The following ITGA8 variants were observed in gnomAD, a reference collection of about 807,000 sequenced individuals.
ITGA8 encodes the protein integrin subunit alpha 8.
In ITGA8, 91 loss-of-function variants were observed where a neutral mutation model predicts 142.3. That is an observed-to-expected ratio of 0.64 (90% confidence interval 0.54 to 0.76). The LOEUF is 0.76. Among genes scored for constraint, ITGA8 ranks in the 30% least tolerant of loss-of-function variants. The pLI is 0.00. For missense variants in ITGA8, 1,406 were observed against 1,327.7 expected, an observed-to-expected ratio of 1.06 and a Z score of -0.92; for synonymous variants, 505 against 485.2, an observed-to-expected ratio of 1.04 and a Z score of -0.54.
At chr10:15,700,552 C>A (rs1480739669) in intron 2 of ITGA8, among the ~76,000 whole-genome samples, 1 of 152,120 alleles carries the variant, frequency 6.6e-6, no homozygotes, top group Non-Finnish European at 1.5e-5. Context: ...GCAGCCAAAC[C>A]AAAGATAGAT....
chr10:15,618,872 T>C (rs994584707), intron 13 of ITGA8, among the ~76,000 whole-genome samples: 4 of 152,160 alleles, frequency 2.6e-5, no homozygotes, highest in African/African-American at 9.7e-5. Context: ...AAATTCCCCT[T>C]TATATGTTCA....
intron 27 of ITGA8, among the ~76,000 whole-genome samples, chr10:15,531,870 G>A (rs7087904): frequency 6.6e-6 from 1 of 152,118 alleles, no homozygotes; most frequent in South Asian, 2.1e-4. Context: ...GCTTGAACCT[G>A]GGGGGCGCAG....
intron 14 of ITGA8, 78 bp from the exon 15 acceptor site, chr10:15,613,845 C>A (rs1833346296): frequency 3.2e-6 from 3 of 945,886 alleles, no homozygotes; most frequent in Admixed American, 1.8e-5. Flanking sequence ...TCACTGCATA[C>A]TGAACTCAGT....
intron 28 of ITGA8, among the ~76,000 whole-genome samples, chr10:15,528,074 C>G (rs1157768231): frequency 6.6e-6 from 1 of 151,910 alleles, no homozygotes; most frequent in Non-Finnish European, 1.5e-5. Context: ...CATCACCACG[C>G]CTTGCTAATT....
Position 15,558,156 on chromosome 10 carries a change from C to G in ITGA8, c.2684G>C (p.Arg895Pro), listed in dbSNP as rs368464139. 2 of 1,614,052 alleles carry G rather than the reference C, an allele frequency of 1.2e-6. No individual in the cohort carries two copies. The highest frequency in any genetic ancestry group is 1.7e-6 in the Non-Finnish European group (2 of 1,180,040). Residue 895 changes from arginine (R) to proline (P), a missense_variant, in exon 26 of 30, where the codon CGA becomes CCA. Arg to Pro is a moderately radical substitution (Grantham distance 103). Coordinates refer to ENST00000378076, the MANE Select transcript of ITGA8 (RefSeq NM_003638.3). ...GACAAGATGAGGAATAGTAGAGTTT[C>G]GCAAAAAGGCGCTGAGCTCAGGGGT... ...EDTPELSAFL[R>P]NSTIPHLVRK...
intron 13 of ITGA8, among the ~76,000 whole-genome samples, chr10:15,630,810 A>G (rs1198498149): frequency 2.0e-5 from 3 of 152,026 alleles, no homozygotes; most frequent in Non-Finnish European, 4.4e-5. Context: ...TTCATACTCC[A>G]TTCCTTATAT....
chr10:15,717,910 A>G (rs1835483177), intron 2 of ITGA8, among the ~76,000 whole-genome samples: 1 of 152,268 alleles, frequency 6.6e-6, no homozygotes, highest in Non-Finnish European at 1.5e-5. Context: ...ATGTCATAAA[A>G]TAGTTGTGTG....
chr10:15,544,301 C>CAA (rs372332312), intron 27 of ITGA8, among the ~76,000 whole-genome samples: 7,946 of 148,278 alleles, frequency 0.054, 680 homozygotes, highest in African/African-American at 0.19. Context: ...CTGTCTCTAC[C>CAA]AAAAAAAAAC....
chr10:15,647,398 ATAGAT>A (rs1166533323), intron 11 of ITGA8, among the ~76,000 whole-genome samples: 1 of 152,072 alleles, frequency 6.6e-6, no homozygotes, highest in Non-Finnish European at 1.5e-5. Context: ...TTTTGTAAAA[ATAGAT>A]TAGAGTTTGT....
chr10:15,667,407 C>G (rs1450065735), intron 8 of ITGA8, among the ~76,000 whole-genome samples: 7 of 151,882 alleles, frequency 4.6e-5, no homozygotes, highest in Non-Finnish European at 2.9e-5. Context: ...ATTCTTCTCT[C>G]TTTTCTTCTT....
At chr10:15,701,112 G>T (rs531517361) in intron 2 of ITGA8, among the ~76,000 whole-genome samples, 1 of 152,030 alleles carries the variant, frequency 6.6e-6, no homozygotes, top group Non-Finnish European at 1.5e-5. Flanking sequence ...TTTGTCAAGG[G>T]TACATTGTTC....
At chr10:15,644,398 G>A (rs1299661555) in intron 12 of ITGA8, among the ~76,000 whole-genome samples, 177 bp from the exon 13 acceptor site, 2 of 132,688 alleles carry the variant, frequency 1.5e-5, no homozygotes, top group Non-Finnish European at 3.1e-5. Context: ...TTCTCTAGGA[G>A]CTGGGACTAC....
At chr10:15,699,703 T>A (rs1270450180) in intron 2 of ITGA8, among the ~76,000 whole-genome samples, 2 of 152,204 alleles carry the variant, frequency 1.3e-5, no homozygotes, top group African/African-American at 4.8e-5. Context: ...GGAATGACAT[T>A]GCTGGGTCAT....
At chr10:15,711,106 T>G (rs552553658) in intron 2 of ITGA8, among the ~76,000 whole-genome samples, 2 of 152,218 alleles carry the variant, frequency 1.3e-5, no homozygotes, top group African/African-American at 2.4e-5. Context: ...TGAGGAAATT[T>G]TGTGCCTGAA....
At chr10:15,619,153 G>A (rs540275516) in intron 13 of ITGA8, among the ~76,000 whole-genome samples, 1 of 152,136 alleles carries the variant, frequency 6.6e-6, no homozygotes, top group Non-Finnish European at 1.5e-5. Context: ...GATCTTTATT[G>A]CATTCTTCTT....
chr10:15,590,345 C>G (rs891190438), intron 22 of ITGA8, among the ~76,000 whole-genome samples: 1 of 152,200 alleles, frequency 6.6e-6, no homozygotes, highest in Non-Finnish European at 1.5e-5. Context: ...GGGAAGCCAT[C>G]TAGAACACTA....
chr10:15,535,834 A>C (rs192029011), intron 27 of ITGA8, among the ~76,000 whole-genome samples: 1,588 of 152,200 alleles, frequency 0.01, 20 homozygotes, highest in African/African-American at 0.036. Context: ...TGCTGTTTGC[A>C]ATAAATCTTG....
At chr10:15,697,416 T>C in intron 2 of ITGA8, among the ~76,000 whole-genome samples, 1 of 152,204 alleles carries the variant, frequency 6.6e-6, no homozygotes, top group Non-Finnish European at 1.5e-5. Context: ...CCCCATTCCA[T>C]TCCTCTTCCC....
At chr10:15,617,906 G>C (rs1431725342) in intron 13 of ITGA8, among the ~76,000 whole-genome samples, 12 of 152,194 alleles carry the variant, frequency 7.9e-5, no homozygotes, top group Non-Finnish European at 1.8e-4. Context: ...CCATAAAAAT[G>C]AATGAAATCA....
Sources: allele counts gnomAD v4.1 joint callset (sites outside exome capture counted in the v4.1 genomes callset), GRCh38; gene constraint gnomAD v4.1.1; transcripts MANE v1.5; gene names NCBI Gene and HGNC (gene_info 2026-07-23, HGNC 2026-07-21).